The following BID variants were observed in gnomAD, a reference collection of about 807,000 sequenced individuals.
BID encodes the protein BH3 interacting domain death agonist, also known as BH3-interacting domain death agonist.
In BID, 19 loss-of-function variants were observed where a neutral mutation model predicts 17.4. The ratio of observed to expected loss-of-function variants is 1.09; its 90% CI spans 0.76 to 1.60. BID has a LOEUF of 1.60. Ranked by LOEUF, BID falls within the 40% of genes most tolerant of loss-of-function variation. The pLI is 0.00. For missense variants in BID, 226 were observed against 256.0 expected (o/e 0.88, Z 0.80); for synonymous variants, 108 against 102.8 (o/e 1.05, Z -0.31).
chr22:17,763,792 G>T (rs1015776890), intron 1 of BID, among the ~76,000 whole-genome samples: 6 of 150,886 alleles, frequency 4.0e-5, no homozygotes, highest in Non-Finnish European at 8.8e-5. Context: ...GGGTAGAAGA[G>T]GGGGAGAGAA....
chr22:17,739,245 C>T (rs1471791351), intron 4 of BID, 104 bp downstream of exon 4: 14 of 1,389,868 alleles, frequency 1.0e-5, no homozygotes, highest in African/African-American at 1.4e-5. Flanking sequence ...CTGACAGTCA[C>T]GAGTTGAGTG....
intron 1 of BID, among the ~76,000 whole-genome samples, chr22:17,765,977 G>A (rs1266281811): frequency 2.6e-5 from 4 of 152,146 alleles, no homozygotes; most frequent in South Asian, 2.1e-4. Context: ...TCCGCAGGCC[G>A]GACTGCAGTG....
intron 2 of BID, 100 bp downstream of exon 2, chr22:17,750,005 C>A: frequency 8.2e-7 from 1 of 1,222,180 alleles, no homozygotes; most frequent in Non-Finnish European, 1.2e-6. Flanking sequence ...GCCAGGCGGG[C>A]TCAGCCTCAG....
chr22:17,752,958 C>T (rs1443207718), intron 1 of BID, among the ~76,000 whole-genome samples: 2 of 142,214 alleles, frequency 1.4e-5, no homozygotes, highest in African/African-American at 5.2e-5. Flanking sequence ...AGCCACCGCG[C>T]CCAGTCTTTT....
rs1435732553 is a variant in BID at position 17,736,371 on chromosome 22, C to T, written c.577-780G>A. Among the ~76,000 whole-genome samples the T allele has an allele frequency of 3.3e-5, 5 of 150,646 alleles. No individual in the cohort carries two copies. In the East Asian group the frequency reaches 5.9e-4, roughly 18 times the overall value. Reference sequence around the variant, plus strand: ...TCTTGGGGGGCTGAGGCAGGAGAATCGCTTGAACCTGGGAGGCAGAGGTTG... The same window carrying T: ...TCTTGGGGGGCTGAGGCAGGAGAATTGCTTGAACCTGGGAGGCAGAGGTTG... On this transcript the variant is annotated intron_variant, in intron 5 of 5. Transcript: ENST00000622694.
At chr22:17,745,839 G>A (rs1288940367) in intron 2 of BID, among the ~76,000 whole-genome samples, 3 of 152,042 alleles carry the variant, frequency 2.0e-5, no homozygotes, top group East Asian at 1.9e-4. Flanking sequence ...GGTGGCGGGC[G>A]TCTGTAGTCC....
chr22:17,748,987 C>T (rs1004847064), intron 2 of BID, among the ~76,000 whole-genome samples: 1 of 152,202 alleles, frequency 6.6e-6, no homozygotes, highest in East Asian at 1.9e-4. Context: ...CCAGCCACCA[C>T]GCTGAAATCC....
rs2061700679 is a variant in BID, at chr22:17,769,100, G to C, written c.-59+5281C>G. Among the ~76,000 whole-genome samples, 1 of 152,092 alleles carries C rather than the reference G, an allele frequency of 6.6e-6. No individual in the cohort carries two copies. Among genetic ancestry groups the C allele is most frequent in the Admixed American group, 6.5e-5 (1 of 15,276 alleles). On this transcript the variant is annotated intron_variant, in intron 1 of 5. Coordinates refer to ENST00000622694, the MANE Select transcript of BID (RefSeq NM_001196.4). The surrounding 1 kb of genome is among the most constrained non-coding windows in gnomAD (Gnocchi z 4.8). ...AATAACTAAATAAATAAAGAACAAGGCTTTCACCACATCCCAGGCAGAGTC... is the reference window on the plus strand; with the variant it reads ...AATAACTAAATAAATAAAGAACAAGCCTTTCACCACATCCCAGGCAGAGTC...
At chr22:17,744,441 C>T (rs1393595307) in intron 2 of BID, among the ~76,000 whole-genome samples, 1 of 152,262 alleles carries the variant, frequency 6.6e-6, no homozygotes, top group East Asian at 1.9e-4. Context: ...CCTTTCCTGG[C>T]TGTGCTTCCA....
chr22:17,751,773 A>G (rs1014752927), intron 1 of BID, among the ~76,000 whole-genome samples: 9 of 152,212 alleles, frequency 5.9e-5, no homozygotes, highest in African/African-American at 2.2e-4. Flanking sequence ...GTGGCCGTGC[A>G]TTTCATAGGA....
chr22:17,750,203 C>T (rs1176350585), intron 1 of BID, 29 bp from the exon 2 acceptor site: 19 of 1,593,482 alleles, frequency 1.2e-5, no homozygotes, highest in East Asian at 1.1e-4. Context: ...AGTGGGCGGC[C>T]GCTCCTGGGA....
chr22:17,750,028 C>T, intron 2 of BID, 77 bp downstream of exon 2: 3 of 1,410,166 alleles, frequency 2.1e-6, no homozygotes, highest in Non-Finnish European at 2.9e-6. Context: ...CTCAGGGATG[C>T]GTGGTGGGGG....
At chr22:17,758,627 G>A (rs538415886) in intron 1 of BID, among the ~76,000 whole-genome samples, 17 of 152,292 alleles carry the variant, frequency 1.1e-4, no homozygotes, top group Admixed American at 2.0e-4. Context: ...AAGACACTAC[G>A]CTGGGCGAAC....
chr22:17,742,409 G>A (rs1465063178), intron 3 of BID, among the ~76,000 whole-genome samples: 1 of 152,200 alleles, frequency 6.6e-6, no homozygotes, highest in Non-Finnish European at 1.5e-5. Context: ...TTTCTCCTCA[G>A]TTCAGGGCGA....
intron 1 of BID, among the ~76,000 whole-genome samples, chr22:17,763,037 C>T (rs564648630): frequency 1.5e-4 from 23 of 150,474 alleles, no homozygotes; most frequent in South Asian, 4.2e-4. Flanking sequence ...CCACCTCATC[C>T]GGCTAATTTT....
intron 1 of BID, among the ~76,000 whole-genome samples, chr22:17,754,858 A>G (rs1179487537): frequency 6.6e-6 from 1 of 152,014 alleles, no homozygotes; most frequent in Non-Finnish European, 1.5e-5. Flanking sequence ...TCCGCCTCCC[A>G]GATTCTAGCG....
Position 17,757,601 on chromosome 22 carries a change from C to T in BID, c.-58-7427G>A, listed in dbSNP as rs183510829. On this transcript the variant is annotated intron_variant, in intron 1 of 5. Transcript: ENST00000622694. ...GCGGGCGCCTGTAATCCCAGCTACT[C>T]GGGAGGCTGAGGCAGGAGAATGGAG... is the stretch of plus-strand genomic sequence containing the variant. Among the ~76,000 whole-genome samples, 711 of 148,716 alleles carry T rather than the reference C, an allele frequency of 4.8e-3. 10 individuals are homozygous for T. Among genetic ancestry groups the T allele is most frequent in the African/African-American group, 0.017 (683 of 40,048 alleles).
chr22:17,738,469 G>A (rs2061435739), intron 4 of BID, among the ~76,000 whole-genome samples: 1 of 152,192 alleles, frequency 6.6e-6, no homozygotes, highest in Non-Finnish European at 1.5e-5. Context: ...ACTGTTAGAC[G>A]GTGATGGGAT....
At chr22:17,772,758 G>A (rs1232911150) in intron 1 of BID, among the ~76,000 whole-genome samples, 3 of 152,038 alleles carry the variant, frequency 2.0e-5, no homozygotes, top group African/African-American at 7.2e-5. Context: ...GCATCCTCAC[G>A]TCAGCCGAGC....
Sources: gnomAD v4.1 joint callset for allele counts (sites outside exome capture counted in the v4.1 genomes callset) on GRCh38, gnomAD v4.1.1 for gene constraint, Gnocchi (gnomAD v3.1) non-coding constraint, MANE v1.5 for transcripts, NCBI Gene and HGNC (gene_info 2026-07-23, HGNC 2026-07-21) for gene names.